The following DPYSL3 variants were observed in gnomAD, a reference collection of about 807,000 sequenced individuals.
DPYSL3 encodes the protein dihydropyrimidinase like 3.
DPYSL3 carries 16 observed loss-of-function variants against 66.1 expected under a neutral mutation model. The ratio of observed to expected loss-of-function variants is 0.24; its 90% CI spans 0.16 to 0.37. The LOEUF is 0.37. DPYSL3 is among the 10% of genes least tolerant of loss of function. DPYSL3 has a pLI of 1.00. For missense variants in DPYSL3, 738 were observed against 916.2 expected (o/e 0.81, Z 2.51); for synonymous variants, 338 against 345.1 (o/e 0.98, Z 0.23).
intron 12 of DPYSL3, among the ~76,000 whole-genome samples, chr5:147,397,460 GA>G (rs1353758494): frequency 6.6e-6 from 1 of 151,972 alleles, no homozygotes; most frequent in Non-Finnish European, 1.5e-5. Context: ...AGTCATTTGG[GA>G]AAAAAAGCTC....
Position 147,399,134 on chromosome 5 carries a change from A to C in DPYSL3, c.1571T>G (p.Val524Gly), listed in dbSNP as rs1287517973. ...RISVGSDSDL[V>G]IWDPDAVKIV... ...CTTCACAGCATCTGGATCCCAGATG[A>C]CGAGGTCGCTGTCAGAACCCACAGA... is the stretch of plus-strand genomic sequence containing the variant. The change falls in exon 11 of 14, where the codon GTC becomes GGC. Residue 524 changes from valine to glycine, a missense_variant. Val to Gly is a moderately radical substitution (Grantham distance 109). Transcript: ENST00000343218. 1.2e-6 allele frequency: 2 copies of C among 1,614,208 alleles called. No individual in the cohort carries two copies.
chr5:147,393,826 A>C lies in DPYSL3; in HGVS notation c.*209T>G, dbSNP rs1000722123. ...GTAAATGGGGGGAGGGGAGTCAAAC[A>C]AATCAAGGCTATGCATAAACAGAAA... On this transcript the variant is annotated 3_prime_UTR_variant, in exon 14 of 14. Coordinates refer to ENST00000343218, the MANE Select transcript of DPYSL3 (RefSeq NM_001197294.2). 2 of 585,814 alleles carry C rather than the reference A, an allele frequency of 3.4e-6. No individual in the cohort carries two copies. Among genetic ancestry groups the C allele is most frequent in the Non-Finnish European group, 6.0e-6 (2 of 331,844 alleles). The allele number at this position is 585,814 out of a possible 1,614,324, so 36.3% of individuals were successfully genotyped here. A position where few individuals can be genotyped will look rare whatever the true frequency, so the allele number is the denominator to read the frequency against.
chr5:147,414,084 C>T (rs1204073212), intron 4 of DPYSL3, among the ~76,000 whole-genome samples: 2 of 152,202 alleles, frequency 1.3e-5, no homozygotes, highest in Admixed American at 6.5e-5. Context: ...CTCCAGACCT[C>T]GGTTTCCTCA....
intron 7 of DPYSL3, 107 bp downstream of exon 7, chr5:147,408,621 C>T: frequency 8.1e-7 from 1 of 1,233,476 alleles, no homozygotes; most frequent in Admixed American, 1.9e-5. Context: ...CAGAAGTGGT[C>T]TTTGGAAGAA....
intron 11 of DPYSL3, 38 bp from the exon 12 acceptor site, chr5:147,397,883 T>TATAGAA: frequency 1.8e-6 from 2 of 1,119,938 alleles, no homozygotes; most frequent in Non-Finnish European, 2.4e-6. Context: ...ACAGTAAGGG[T>TATAGAA]AGAGAAAGAG....
rs1024819888 is a variant in DPYSL3 at position 147,392,572 on chromosome 5, T to G, written c.*1463A>C. On this transcript the variant is annotated 3_prime_UTR_variant, in exon 14 of 14. Transcript: ENST00000343218. Reference sequence around the variant, plus strand: ...TTTCTTCTGAAAATGAGCATCTTGGTTCTATAGATTCTTATCTTGCTCACA... The same window carrying G: ...TTTCTTCTGAAAATGAGCATCTTGGGTCTATAGATTCTTATCTTGCTCACA... 3.3e-5 allele frequency: 5 copies of G among 152,194 alleles called. No homozygotes were observed. Among genetic ancestry groups the G allele is most frequent in the Non-Finnish European group, 5.9e-5 (4 of 68,030 alleles). The allele number at this position is 152,194 out of a possible 1,614,324, so 9.4% of individuals were successfully genotyped here.
rs1459541817 is a variant in DPYSL3 at position 147,392,008 on chromosome 5, T to A, written c.*2027A>T. ...GAGCAGAGAGTGCAGAAGTGGACGC[T>A]CAGAAGCGAGTTTATGTGTGTCTTT... On this transcript the variant is annotated 3_prime_UTR_variant, in exon 14 of 14. Coordinates refer to ENST00000343218, the MANE Select transcript of DPYSL3 (RefSeq NM_001197294.2). 6.6e-6 allele frequency: 1 copy of A among 152,238 alleles called. No homozygotes were observed. The highest frequency in any genetic ancestry group is 1.5e-5 in the Non-Finnish European group (1 of 68,070). The allele number at this position is 152,238 out of a possible 1,614,324, so 9.4% of individuals were successfully genotyped here. A position where few individuals can be genotyped will look rare whatever the true frequency, so the allele number is the denominator to read the frequency against.
chr5:147,472,031 A>C (rs1053649201), intron 1 of DPYSL3, among the ~76,000 whole-genome samples: 1 of 152,156 alleles, frequency 6.6e-6, no homozygotes, highest in African/African-American at 2.4e-5. Context: ...ATTCTGTGAG[A>C]CCATAGCAAT....
intron 1 of DPYSL3, among the ~76,000 whole-genome samples, chr5:147,480,443 C>T (rs1036414110): frequency 1.3e-5 from 2 of 152,088 alleles, no homozygotes; most frequent in South Asian, 2.1e-4. Flanking sequence ...TGTGTATAAT[C>T]GACTCTCTGT....
At chr5:147,493,918 C>T (rs540937101) in intron 1 of DPYSL3, among the ~76,000 whole-genome samples, 9 of 152,268 alleles carry the variant, frequency 5.9e-5, no homozygotes, top group East Asian at 1.9e-4. Context: ...ACTGGCCAGG[C>T]GCAGTGGCTC....
At position 147,394,014 on chromosome 5, in the gene DPYSL3, CT is replaced by C. The variant is rs764830950; in HGVS notation, c.*20del. 6.2e-7 allele frequency: 1 copy of C among 1,613,008 alleles called. No homozygotes were observed. The highest frequency in any genetic ancestry group is 8.5e-7 in the Non-Finnish European group (1 of 1,179,204). ...AAACAATCTCTTCTTGCTTCTGCCC[CT>C]CTCTTTGAGGAAGGCTTGCTTAACT... is the stretch of plus-strand genomic sequence containing the variant. On this transcript the variant is annotated 3_prime_UTR_variant, in exon 14 of 14. Transcript: ENST00000343218.
intron 8 of DPYSL3, among the ~76,000 whole-genome samples, chr5:147,402,352 TTC>T (rs1554112606): frequency 2.0e-5 from 3 of 146,788 alleles, no homozygotes; most frequent in Admixed American, 6.6e-5. Flanking sequence ...TTTTTTTTTT[TTC>T]TTTTTTTTTT....
intron 1 of DPYSL3, among the ~76,000 whole-genome samples, chr5:147,479,676 CA>C (rs1753208779): frequency 6.6e-6 from 1 of 152,128 alleles, no homozygotes; most frequent in South Asian, 2.1e-4. Flanking sequence ...TCTTGACTCA[CA>C]AGGGCCAATG....
chr5:147,430,705 G>T (rs1324924549), intron 1 of DPYSL3, among the ~76,000 whole-genome samples: 1 of 152,080 alleles, frequency 6.6e-6, no homozygotes, highest in African/African-American at 2.4e-5. Context: ...GCCTACTAGA[G>T]ATGTTGGTCT....
In DPYSL3 at chr5:147,405,372, C is replaced by G. The variant is rs548827680; in HGVS notation, c.1153+238G>C. On this transcript the variant is annotated intron_variant, in intron 8 of 13. Coordinates refer to ENST00000343218, the MANE Select transcript of DPYSL3 (RefSeq NM_001197294.2). Reference sequence around the variant, plus strand: ...TAAGATGCACAAAGTCTCAGAAGAACTGGTTCAAGCTGTGTCATCTTGGAC... The same window carrying G: ...TAAGATGCACAAAGTCTCAGAAGAAGTGGTTCAAGCTGTGTCATCTTGGAC... 2.0e-5 allele frequency among the ~76,000 whole-genome samples: 3 copies of G among 152,342 alleles called. No individual in the cohort carries two copies. In the East Asian group the frequency reaches 5.8e-4, roughly 29 times the overall value.
At chr5:147,443,614 G>C (rs1270155839) in intron 1 of DPYSL3, among the ~76,000 whole-genome samples, 1 of 150,340 alleles carries the variant, frequency 6.7e-6, no homozygotes, top group African/African-American at 2.4e-5. Context: ...TTTAAGGAGA[G>C]ATAAAGAAAA....
chr5:147,456,876 C>T (rs1752861141), intron 1 of DPYSL3, among the ~76,000 whole-genome samples: 2 of 152,048 alleles, frequency 1.3e-5, no homozygotes, highest in African/African-American at 2.4e-5. Flanking sequence ...CAGGCATGAA[C>T]CACCGCACCC....
Position 147,399,151 on chromosome 5 carries a change from A to G in DPYSL3, c.1554T>C (p.Gly518=). The change falls in exon 11 of 14, where the codon GGT becomes GGC. Residue 518 remains glycine (G), a synonymous_variant. Transcript: ENST00000343218. ...LYPRKGRISV[G]SDSDLVIWDP... ...CCCAGATGACGAGGTCGCTGTCAGA[A>G]CCCACAGATATTCTTCCCTTGCGGG... 1 of 1,614,200 alleles carries G rather than the reference A, an allele frequency of 6.2e-7. No individual in the cohort carries two copies. Among genetic ancestry groups the G allele is most frequent in the Non-Finnish European group, 8.5e-7 (1 of 1,180,054 alleles).
intron 1 of DPYSL3, among the ~76,000 whole-genome samples, chr5:147,471,554 T>C (rs976464164): frequency 6.6e-6 from 1 of 152,170 alleles, no homozygotes; most frequent in Non-Finnish European, 1.5e-5. Flanking sequence ...GGTCAGTGAT[T>C]ACAATCTAAT....
Sources: allele counts gnomAD v4.1 joint callset (sites outside exome capture counted in the v4.1 genomes callset), GRCh38; gene constraint gnomAD v4.1.1; transcripts MANE v1.5; gene names NCBI Gene and HGNC (gene_info 2026-07-23, HGNC 2026-07-21).